Variants in ARMC2 observed in about 807,000 individuals in gnomAD.
ARMC2 encodes the protein armadillo repeat containing 2.
In ARMC2, 67 loss-of-function variants were observed where a neutral mutation model predicts 90.3. The observed-to-expected ratio is 0.74, with a 90% CI of 0.61 to 0.91. The LOEUF is 0.91. Among genes scored for constraint, ARMC2 ranks in the 40% least tolerant of loss-of-function variants. ARMC2 has a pLI of 0.00. For synonymous variants in ARMC2, 393 were observed against 393.0 expected (o/e 1.00, Z 0.00); for missense variants, 920 against 1,030.9 (o/e 0.89, Z 1.47).
At chr6:108,933,078 G>GT (rs199897723) in intron 11 of ARMC2, among the ~76,000 whole-genome samples, 37,409 of 148,654 alleles carry the variant, frequency 0.25, 4,824 homozygotes, top group East Asian at 0.4. Context: ...TTTTAAAATA[G>GT]TTTTTTTTTT....
At chr6:108,872,921 G>T (rs574195519) in intron 4 of ARMC2, among the ~76,000 whole-genome samples, 28 of 152,294 alleles carry the variant, frequency 1.8e-4, no homozygotes, top group African/African-American at 6.7e-4. Flanking sequence ...GAGAGTCTCT[G>T]CACATGAGCG....
chr6:108,965,139 A>G lies in ARMC2; in HGVS notation c.2445A>G (p.Leu815=), dbSNP rs1348383991. The change falls in exon 17 of 18, where the codon TTA becomes TTG. Residue 815 remains leucine (L), a splice_region_variant and synonymous_variant. Coordinates refer to ENST00000392644, the MANE Select transcript of ARMC2 (RefSeq NM_032131.6). ...TCTTACTCTTGCTCTCATCATTTTTAGGTAAGACTCTTGACTATGATGAGT... is the reference window on the plus strand; with the variant it reads ...TCTTACTCTTGCTCTCATCATTTTTGGGTAAGACTCTTGACTATGATGAGT... ...NTLLLLLSSF[L]DEELALDGSF... 1.2e-6 allele frequency: 2 copies of G among 1,601,148 alleles called. No individual in the cohort carries two copies. Among genetic ancestry groups the G allele is most frequent in the Admixed American group, 3.3e-5 (2 of 59,806 alleles).
intron 8 of ARMC2, among the ~76,000 whole-genome samples, chr6:108,905,256 C>A (rs1772562876): frequency 6.6e-6 from 1 of 152,070 alleles, no homozygotes; most frequent in Non-Finnish European, 1.5e-5. Flanking sequence ...AGAATGCCAC[C>A]TTTTCTTATT....
intron 12 of ARMC2, among the ~76,000 whole-genome samples, chr6:108,952,558 A>T (rs9486981): frequency 5.1e-3 from 777 of 152,254 alleles, no homozygotes; most frequent in African/African-American, 0.018. Flanking sequence ...TGCACAGGAC[A>T]CCTCCCCACA....
intron 8 of ARMC2, among the ~76,000 whole-genome samples, chr6:108,904,969 C>G (rs1772527191): frequency 6.6e-6 from 1 of 151,872 alleles, no homozygotes; most frequent in South Asian, 2.1e-4. Flanking sequence ...AGGCCAGACA[C>G]CAAAAAAAAA....
At chr6:108,869,564 A>G (rs1020770716) in intron 4 of ARMC2, among the ~76,000 whole-genome samples, 2 of 152,252 alleles carry the variant, frequency 1.3e-5, no homozygotes, top group African/African-American at 4.8e-5. Context: ...GTTCATGTAT[A>G]TTAGAAATAA....
chr6:108,904,195 TAGTA>T (rs771615568), intron 7 of ARMC2, 31 bp from the exon 8 acceptor site: 2 of 1,601,964 alleles, frequency 1.2e-6, no homozygotes, highest in African/African-American at 1.3e-5. Flanking sequence ...TAACCTTAAT[TAGTA>T]AGTGTTGCTT....
chr6:108,911,771 G>A (rs1287096632), intron 9 of ARMC2, among the ~76,000 whole-genome samples: 1 of 152,074 alleles, frequency 6.6e-6, no homozygotes, highest in Non-Finnish European at 1.5e-5. Context: ...TGTGAGATAT[G>A]CATTATTAAC....
chr6:108,937,898 G>A (rs369900515), intron 12 of ARMC2, among the ~76,000 whole-genome samples: 15 of 151,952 alleles, frequency 9.9e-5, no homozygotes, highest in South Asian at 2.1e-4. Context: ...AGGTTTCACC[G>A]TGTTAGCCAG....
the ARMC2 span, among the ~76,000 whole-genome samples, chr6:109,027,947 A>G: frequency 1.3e-5 from 2 of 152,034 alleles, no homozygotes; most frequent in Non-Finnish European, 2.9e-5. Context: ...TGTGTTCTTT[A>G]TATTATTTTG....
At chr6:108,994,175 G>C in the ARMC2 span, among the ~76,000 whole-genome samples, 2 of 149,484 alleles carry the variant, frequency 1.3e-5, no homozygotes, top group South Asian at 2.1e-4. Context: ...AGAAAAAAGA[G>C]GGCACTCATA....
intron 7 of ARMC2, among the ~76,000 whole-genome samples, chr6:108,902,497 C>G (rs754920100): frequency 3.9e-5 from 6 of 152,174 alleles, no homozygotes; most frequent in Non-Finnish European, 8.8e-5. Context: ...AATAAAACAA[C>G]AAAACACAAG....
At chr6:108,850,447 T>G (rs1313391298) in intron 1 of ARMC2, among the ~76,000 whole-genome samples, 1 of 152,206 alleles carries the variant, frequency 6.6e-6, no homozygotes, top group Non-Finnish European at 1.5e-5. Flanking sequence ...TGCACCTCAC[T>G]TGTTCTCATC....
intron 17 of ARMC2, among the ~76,000 whole-genome samples, chr6:108,972,731 G>A (rs1003358706): frequency 9.9e-5 from 15 of 151,990 alleles, no homozygotes; most frequent in African/African-American, 3.6e-4. Context: ...TGGCATGATC[G>A]TGCCCCACTG....
chr6:109,048,045 G>T, the ARMC2 span, among the ~76,000 whole-genome samples: 1 of 149,610 alleles, frequency 6.7e-6, no homozygotes, highest in African/African-American at 2.5e-5. Flanking sequence ...ATTGTCCCAT[G>T]ACCCTGCCAA....
chr6:109,029,400 T>G, the ARMC2 span, among the ~76,000 whole-genome samples: 1 of 152,230 alleles, frequency 6.6e-6, no homozygotes, highest in Non-Finnish European at 1.5e-5. Flanking sequence ...GCAGGAATGA[T>G]TTTGCTTTAT....
intron 5 of ARMC2, among the ~76,000 whole-genome samples, chr6:108,885,213 A>T (rs1461083791): frequency 7.7e-6 from 1 of 130,498 alleles, no homozygotes; most frequent in Non-Finnish European, 1.6e-5. Context: ...TGATTATTAA[A>T]AAAGGTGCCA....
In ARMC2 at chr6:108,953,017, C is replaced by CT. The variant is rs761701969; in HGVS notation, c.1597-13dup. ...GCCCCCTTTGCACTTTTGACTCTGT[C>CT]TTTCGTTTATTGCAGGATTTAGTCG... On this transcript the variant is annotated splice_polypyrimidine_tract_variant and intron_variant, in intron 12 of 17. Transcript: ENST00000392644. The CT allele has an allele frequency of 6.3e-7, 1 of 1,589,014 alleles. No individual in the cohort carries two copies.
At chr6:109,033,338 TA>T in the ARMC2 span, among the ~76,000 whole-genome samples, 1 of 152,160 alleles carries the variant, frequency 6.6e-6, no homozygotes, top group Non-Finnish European at 1.5e-5. Flanking sequence ...TTAATTAGAA[TA>T]AAAAAATTTA....
Sources: gnomAD v4.1 joint callset for allele counts (sites outside exome capture counted in the v4.1 genomes callset) on GRCh38, gnomAD v4.1.1 for gene constraint, MANE v1.5 for transcripts, NCBI Gene and HGNC (gene_info 2026-07-23, HGNC 2026-07-21) for gene names.